Variants in CSMD1 observed in about 807,000 individuals in gnomAD.
The protein encoded by CSMD1 is CUB and Sushi multiple domains 1, also known as CUB and sushi domain-containing protein 1.
In CSMD1, 213 loss-of-function variants were observed where a neutral mutation model predicts 417.5. The ratio of observed to expected loss-of-function variants is 0.51; its 90% CI spans 0.46 to 0.57. CSMD1 has a LOEUF of 0.57. Among genes scored for constraint, CSMD1 ranks in the 20% least tolerant of loss-of-function variants. The pLI is 0.00. For missense variants in CSMD1, 6,923 were observed against 4,529.7 expected (o/e 1.53, Z -15.17); for synonymous variants, 2,862 against 1,736.8 (o/e 1.65, Z -16.11).
At chr8:4,708,139 G>C (rs1325107419) in intron 1 of CSMD1, among the ~76,000 whole-genome samples, 4 of 151,744 alleles carry the variant, frequency 2.6e-5, no homozygotes, top group Non-Finnish European at 5.9e-5. Flanking sequence ...TTTTTTTGTA[G>C]AGATGGAGTT....
At chr8:4,814,171 G>A (rs192569653) in intron 1 of CSMD1, among the ~76,000 whole-genome samples, 2 of 152,222 alleles carry the variant, frequency 1.3e-5, no homozygotes, top group Non-Finnish European at 1.5e-5. Context: ...AAGAAAATTA[G>A]GTTTCTTCCA....
At chr8:4,005,750 T>C (rs1365345502) in intron 4 of CSMD1, among the ~76,000 whole-genome samples, 2 of 152,192 alleles carry the variant, frequency 1.3e-5, no homozygotes, top group African/African-American at 4.8e-5. Flanking sequence ...AAGTGAGTTA[T>C]TGTATACAAG....
At chr8:3,646,565 T>C (rs1797580820) in intron 7 of CSMD1, among the ~76,000 whole-genome samples, 1 of 152,196 alleles carries the variant, frequency 6.6e-6, no homozygotes, top group South Asian at 2.1e-4. Context: ...ATGAGCTTGT[T>C]TCCCCTGATT....
chr8:4,409,162 A>T (rs1472280747), intron 3 of CSMD1, among the ~76,000 whole-genome samples: 1 of 152,188 alleles, frequency 6.6e-6, no homozygotes, highest in Non-Finnish European at 1.5e-5. Flanking sequence ...TTACAAAATG[A>T]CCTTCAAATG....
In CSMD1 at chr8:3,476,482, T is replaced by C. The variant is rs989445522; in HGVS notation, c.1449-7658A>G. On this transcript the variant is annotated intron_variant, in intron 11 of 69. Coordinates refer to ENST00000635120, the MANE Select transcript of CSMD1 (RefSeq NM_033225.6). ...GTGGATTTCTGGGCCATATGATTGA[T>C]GTATATTTACTATCATATGAAACTA... is the stretch of plus-strand genomic sequence containing the variant. Among the ~76,000 whole-genome samples the C allele has an allele frequency of 8.5e-5, 13 of 152,200 alleles. No individual in the cohort carries two copies. In the South Asian group the frequency reaches 2.3e-3, roughly 27 times the overall value.
intron 25 of CSMD1, among the ~76,000 whole-genome samples, chr8:3,302,494 A>G (rs1207434870): frequency 2.6e-5 from 4 of 152,112 alleles, no homozygotes; most frequent in African/African-American, 7.2e-5. Flanking sequence ...TTCCCATGAT[A>G]TCACTTCTCA....
At chr8:3,210,272 G>A (rs1797525895) in intron 30 of CSMD1, among the ~76,000 whole-genome samples, 1 of 152,104 alleles carries the variant, frequency 6.6e-6, no homozygotes, top group Non-Finnish European at 1.5e-5. Flanking sequence ...TTATTTGCAT[G>A]TAAATGGAAT....
chr8:4,608,853 G>A (rs533829123), intron 2 of CSMD1, among the ~76,000 whole-genome samples: 1 of 152,132 alleles, frequency 6.6e-6, no homozygotes, highest in Non-Finnish European at 1.5e-5. Context: ...GCTTTCTATA[G>A]AACAGGGAAC....
At chr8:3,007,269 A>G (rs1470746503) in intron 52 of CSMD1, among the ~76,000 whole-genome samples, 3 of 151,530 alleles carry the variant, frequency 2.0e-5, no homozygotes, top group Non-Finnish European at 4.4e-5. Flanking sequence ...AAAAGTCAGG[A>G]AACAACAGGT....
chr8:4,291,575 C>G (rs565016587), intron 3 of CSMD1, among the ~76,000 whole-genome samples: 4 of 152,184 alleles, frequency 2.6e-5, no homozygotes, highest in Non-Finnish European at 4.4e-5. Context: ...TTTATTAAAG[C>G]TGAAGCGTAA....
intron 3 of CSMD1, among the ~76,000 whole-genome samples, chr8:4,237,660 T>C (rs1375286698): frequency 6.6e-6 from 1 of 151,934 alleles, no homozygotes; most frequent in Non-Finnish European, 1.5e-5. Flanking sequence ...AGACTGGAGG[T>C]GTGCACCACC....
intron 3 of CSMD1, among the ~76,000 whole-genome samples, chr8:4,087,648 A>C (rs957481746): frequency 5.3e-5 from 8 of 150,008 alleles, no homozygotes; most frequent in Admixed American, 1.3e-4. Flanking sequence ...TCACATTCTT[A>C]CTCTTTCTCA....
intron 68 of CSMD1, among the ~76,000 whole-genome samples, chr8:2,945,338 T>C (rs2721290): frequency 0.76 from 116,194 of 152,060 alleles, 45,670 homozygotes; most frequent in East Asian, 0.91. Flanking sequence ...GGCTCTTCCA[T>C]TGGCATATAT....
intron 3 of CSMD1, among the ~76,000 whole-genome samples, chr8:4,239,050 C>A (rs1802234956): frequency 6.6e-6 from 1 of 152,122 alleles, no homozygotes; most frequent in Admixed American, 6.5e-5. Flanking sequence ...TATCACACAT[C>A]CCTGAACAAA....
chr8:3,707,734 C>G (rs952515406), intron 7 of CSMD1, among the ~76,000 whole-genome samples: 23 of 152,178 alleles, frequency 1.5e-4, no homozygotes, highest in African/African-American at 4.3e-4. Context: ...TGGCTTTCAG[C>G]TAAAGGACAA....
At chr8:4,132,692 T>A (rs906857158) in intron 3 of CSMD1, among the ~76,000 whole-genome samples, 2 of 152,154 alleles carry the variant, frequency 1.3e-5, no homozygotes, top group African/African-American at 4.8e-5. Context: ...CGCAACTCAA[T>A]GTGGGGCTTC....
intron 26 of CSMD1, chr8:3,279,103 G>A (rs1802532591): frequency 6.6e-6 from 1 of 152,236 alleles, no homozygotes; most frequent in African/African-American, 2.4e-5. Flanking sequence ...TTTGTGGAGA[G>A]TAGCTGAATG....
chr8:3,568,770 T>G (rs1799824758), intron 10 of CSMD1, among the ~76,000 whole-genome samples: 1 of 152,078 alleles, frequency 6.6e-6, no homozygotes, highest in Non-Finnish European at 1.5e-5. Context: ...CATTTATACC[T>G]AAAAGATGTT....
intron 5 of CSMD1, among the ~76,000 whole-genome samples, chr8:3,802,609 T>C (rs1250954031): frequency 1.3e-5 from 2 of 152,164 alleles, no homozygotes; most frequent in Non-Finnish European, 1.5e-5. Context: ...TCACCAACTG[T>C]TTATATAATT....
Sources: allele counts gnomAD v4.1 joint callset (sites outside exome capture counted in the v4.1 genomes callset), GRCh38; gene constraint gnomAD v4.1.1; transcripts MANE v1.5; gene names NCBI Gene and HGNC (gene_info 2026-07-23, HGNC 2026-07-21).